The following CHMP1A variants were observed in gnomAD, a reference collection of about 807,000 sequenced individuals.
CHMP1A encodes charged multivesicular body protein 1A, also known as VPS46 homolog A.
In CHMP1A, 17 loss-of-function variants were observed where a neutral mutation model predicts 27.0. That is an observed-to-expected ratio of 0.63 (90% CI 0.43 to 0.95). The LOEUF is 0.95. CHMP1A is among the 40% of genes least tolerant of loss of function. The pLI, the probability that CHMP1A is intolerant of heterozygous loss-of-function variation, is 0.00. For missense variants in CHMP1A, 275 were observed against 264.0 expected (o/e 1.04, Z -0.29); for synonymous variants, 131 against 107.5 (o/e 1.22, Z -1.35).
In CHMP1A at chr16:89,652,389, C is replaced by T. The variant is rs190249647; in HGVS notation, c.28-743G>A. Reference sequence around the variant, plus strand: ...AGGGCCTCTGGCAACCCATCTGGAACCACAGACGCCCTGGTACCAGGTAGC... The same window carrying T: ...AGGGCCTCTGGCAACCCATCTGGAATCACAGACGCCCTGGTACCAGGTAGC... On this transcript the variant is annotated intron_variant, in intron 2 of 6. Transcript: ENST00000397901. Among the ~76,000 whole-genome samples, 308 of 146,362 alleles carry T rather than the reference C, an allele frequency of 2.1e-3. 2 individuals carry two copies. In the East Asian group the frequency reaches 0.11, roughly 51 times the overall value.
chr16:89,645,024 G>A lies in CHMP1A; in HGVS notation c.*1042C>T, dbSNP rs1410007037. ...CCAAGAGCTGCTGGTGACTCTCCAG[G>A]GCCACAATGGCAGGTTTTCCTCACA... On this transcript the variant is annotated 3_prime_UTR_variant, in exon 7 of 7. Coordinates refer to ENST00000397901, the MANE Select transcript of CHMP1A (RefSeq NM_002768.5). 1 of 152,408 alleles carries A rather than the reference G, an allele frequency of 6.6e-6. No individual in the cohort carries two copies. Among genetic ancestry groups the A allele is most frequent in the Admixed American group, 6.5e-5 (1 of 15,276 alleles). 9.4% of individuals were successfully genotyped at this position (152,408 alleles called of 1,614,324 possible). A position where few individuals can be genotyped will look rare whatever the true frequency, so the allele number is the denominator to read the frequency against.
At chr16:89,650,606 C>T (rs1174397817) in intron 3 of CHMP1A, among the ~76,000 whole-genome samples, 1 of 152,040 alleles carries the variant, frequency 6.6e-6, no homozygotes, top group East Asian at 1.9e-4. Flanking sequence ...AGGAGTTTGA[C>T]ACCAGCCTGG....
chr16:89,649,155 T>G, intron 4 of CHMP1A, 196 bp downstream of exon 4: 1 of 382,704 alleles, frequency 2.6e-6, no homozygotes, highest in East Asian at 4.2e-5. Context: ...TGATCCAGCT[T>G]AACTCAACCT....
chr16:89,653,069 G>A (rs1476522482), intron 2 of CHMP1A, among the ~76,000 whole-genome samples: 14 of 137,022 alleles, frequency 1.0e-4, no homozygotes, highest in Non-Finnish European at 2.1e-4. Flanking sequence ...CCAGGCTGGA[G>A]TGCAGTGGCA....
intron 2 of CHMP1A, 150 bp downstream of exon 2, chr16:89,653,754 C>A: frequency 2.6e-6 from 2 of 770,170 alleles, no homozygotes; most frequent in South Asian, 1.7e-5. Flanking sequence ...CTCAATAATC[C>A]CCTCCTTGGT....
intron 1 of CHMP1A, among the ~76,000 whole-genome samples, chr16:89,656,422 C>T (rs2059871075): frequency 6.6e-6 from 1 of 152,260 alleles, no homozygotes; most frequent in Non-Finnish European, 1.5e-5. Context: ...CAGGCGTGAG[C>T]CACCGCGCCC....
intron 1 of CHMP1A, among the ~76,000 whole-genome samples, chr16:89,655,631 CT>C (rs144330644): frequency 3.7e-4 from 55 of 147,896 alleles, no homozygotes; most frequent in East Asian, 1.4e-3. Context: ...CACAATTTTT[CT>C]TTTTTTTTTT....
chr16:89,651,016 C>T (rs1210982094), intron 3 of CHMP1A, among the ~76,000 whole-genome samples: 2 of 152,200 alleles, frequency 1.3e-5, no homozygotes, highest in African/African-American at 2.4e-5. Flanking sequence ...GCACCACACA[C>T]AGCACCTCCC....
intron 3 of CHMP1A, among the ~76,000 whole-genome samples, chr16:89,650,358 C>G (rs1250111442): frequency 6.6e-6 from 1 of 152,120 alleles, no homozygotes. Flanking sequence ...TCCCTCCTCT[C>G]CTTCTGCCCT....
intron 6 of CHMP1A, 57 bp downstream of exon 6, chr16:89,646,470 T>A (rs925305121): frequency 6.8e-7 from 1 of 1,473,236 alleles, no homozygotes; most frequent in African/African-American, 1.4e-5. Flanking sequence ...CCTCTCTCCC[T>A]TCCCACAGCA....
At chr16:89,646,960 G>C (rs2059778826) in intron 5 of CHMP1A, 1 of 1,317,428 alleles carries the variant, frequency 7.6e-7, no homozygotes, top group South Asian at 1.4e-5. Flanking sequence ...ACCTCTGCAT[G>C]CTTGTCTGCC....
chr16:89,651,390 A>G (rs1337526175), intron 3 of CHMP1A, among the ~76,000 whole-genome samples, 179 bp downstream of exon 3: 1 of 151,938 alleles, frequency 6.6e-6, no homozygotes, highest in Non-Finnish European at 1.5e-5. Flanking sequence ...ACAAACAAAC[A>G]AACAAACAAA....
intron 3 of CHMP1A, among the ~76,000 whole-genome samples, chr16:89,650,816 G>C (rs2059818303): frequency 7.0e-6 from 1 of 143,696 alleles, no homozygotes; most frequent in African/African-American, 2.5e-5. Flanking sequence ...AAAAAAAAAA[G>C]ATAGGATCGT....
intron 2 of CHMP1A, 86 bp downstream of exon 2, chr16:89,653,818 C>A: frequency 7.2e-7 from 1 of 1,392,858 alleles, no homozygotes; most frequent in South Asian, 1.2e-5. Flanking sequence ...ATCTGCCCGA[C>A]TGTTTCTGTG....
chr16:89,651,175 C>T (rs2059820445), intron 3 of CHMP1A, among the ~76,000 whole-genome samples: 2 of 151,768 alleles, frequency 1.3e-5, no homozygotes, highest in South Asian at 4.2e-4. Context: ...GATAAGAGTT[C>T]GAGACCGGCC....
chr16:89,647,528 AGT>A lies in CHMP1A; in HGVS notation c.253-199_253-198del, dbSNP rs1424734290. Reference sequence around the variant, plus strand: ...TCGACGGAAAAGGCCATGGAGACCCAGTGCGGGGTCAGTGGAGAAAAGGCCGC... The same window carrying A: ...TCGACGGAAAAGGCCATGGAGACCCAGCGGGGTCAGTGGAGAAAAGGCCGC... On this transcript the variant is annotated intron_variant, in intron 4 of 6. Coordinates refer to ENST00000397901, the MANE Select transcript of CHMP1A (RefSeq NM_002768.5). 1.7e-3 allele frequency among the ~76,000 whole-genome samples: 258 copies of A among 147,802 alleles called. 15 individuals are homozygous for A. The highest frequency in any genetic ancestry group is 5.2e-3 in the South Asian group (25 of 4,768).
intron 1 of CHMP1A, among the ~76,000 whole-genome samples, chr16:89,656,007 C>T (rs1358243853): frequency 6.6e-6 from 1 of 151,866 alleles, no homozygotes; most frequent in Non-Finnish European, 1.5e-5. Context: ...AGCCACCACA[C>T]CCGGCCTGGC....
rs113343432 is a variant in CHMP1A, at chr16:89,652,566, G to A, written c.28-920C>T. On this transcript the variant is annotated intron_variant, in intron 2 of 6. Transcript: ENST00000397901. ...AACCACAGACGCCCTGGTACCAGGT[G>A]GCCCTGGCCACCAGCACCTCGAGGA... Among the ~76,000 whole-genome samples, 646 of 96,618 alleles carry A rather than the reference G, an allele frequency of 6.7e-3. 18 individuals carry two copies. In the East Asian group the frequency reaches 0.22, roughly 33 times the overall value. 63.4% of individuals were successfully genotyped at this position (96,618 alleles called of 152,430 possible).
chr16:89,646,109 C>T lies in CHMP1A; in HGVS notation c.570-22G>A, dbSNP rs570044221. ...CAACCTGGAAACCAACAACAGGACT[C>T]GGGTCAGGGCAGGGGAAGGGGGCCT... On this transcript the variant is annotated intron_variant, in intron 6 of 6. Transcript: ENST00000397901. 4.4e-5 allele frequency: 68 copies of T among 1,530,526 alleles called. No homozygotes were observed. The East Asian group carries it at 1.1e-3, about 24-fold the overall frequency. 94.8% of individuals were successfully genotyped at this position (1,530,526 alleles called of 1,614,324 possible).
Sources: allele counts gnomAD v4.1 joint callset (sites outside exome capture counted in the v4.1 genomes callset), GRCh38; gene constraint gnomAD v4.1.1; transcripts MANE v1.5; gene names NCBI Gene and HGNC (gene_info 2026-07-23, HGNC 2026-07-21).